PARD3: variants seen among roughly 807,000 people sequenced by gnomAD.
PARD3 encodes partitioning defective 3 homolog.
PARD3 carries 75 observed loss-of-function variants against 155.4 expected under a neutral mutation model. The observed-to-expected ratio is 0.48, with a 90% CI of 0.40 to 0.58. The LOEUF is 0.58. PARD3 is among the 20% of genes least tolerant of loss of function. The pLI is 0.00. For synonymous variants in PARD3, 576 were observed against 610.5 expected (o/e 0.94, Z 0.83); for missense variants, 1,642 against 1,721.7 (o/e 0.95, Z 0.82).
intron 7 of PARD3, among the ~76,000 whole-genome samples, chr10:34,386,574 G>T (rs929571973): frequency 6.6e-6 from 1 of 152,116 alleles, no homozygotes; most frequent in African/African-American, 2.4e-5. Context: ...TGTAATCCCA[G>T]CACTTTGGAA....
At chr10:34,535,499 C>A (rs1589918460) in intron 2 of PARD3, among the ~76,000 whole-genome samples, 1 of 152,064 alleles carries the variant, frequency 6.6e-6, no homozygotes, top group African/African-American at 2.4e-5. Flanking sequence ...GGTTTTGTTT[C>A]TTTTTTTGAG....
intron 3 of PARD3, among the ~76,000 whole-genome samples, chr10:34,510,221 T>C (rs2081323783): frequency 6.6e-6 from 1 of 152,170 alleles, no homozygotes. Context: ...CTCTTCTAGG[T>C]AGCCCACCTG....
chr10:34,393,025 A>G (rs1215939430), intron 7 of PARD3, among the ~76,000 whole-genome samples: 2 of 151,850 alleles, frequency 1.3e-5, no homozygotes, highest in Admixed American at 6.6e-5. Flanking sequence ...TTCATGCTAC[A>G]ATGGCAGATT....
At chr10:34,771,442 A>C (rs1030293909) in intron 1 of PARD3, among the ~76,000 whole-genome samples, 9 of 152,246 alleles carry the variant, frequency 5.9e-5, no homozygotes, top group Non-Finnish European at 1.3e-4. Context: ...AGAGTGAAGG[A>C]AGGCTGGCTA....
intron 2 of PARD3, among the ~76,000 whole-genome samples, chr10:34,592,234 A>G (rs756499777): frequency 3.3e-5 from 5 of 152,208 alleles, no homozygotes; most frequent in Admixed American, 6.5e-5. Context: ...TAACACTTGG[A>G]ACTTGCCTGT....
rs115620599 is a variant in PARD3 at position 34,715,716 on chromosome 10, T to C, written c.121-19297A>G. ...TCCCATAGGCCACAGTATGCATTCA[T>C]TCCACAAATATTCACGAAGCATCTA... On this transcript the variant is annotated intron_variant, in intron 1 of 24. Coordinates refer to ENST00000374788, the MANE Select transcript of PARD3 (RefSeq NM_001184785.2). Among the ~76,000 whole-genome samples, 605 of 152,348 alleles carry C rather than the reference T, an allele frequency of 4.0e-3. 4 individuals carry two copies. The highest frequency in any genetic ancestry group is 0.014 in the African/African-American group (570 of 41,586).
At chr10:34,176,023 GTAAT>G (rs1263719974) in intron 22 of PARD3, among the ~76,000 whole-genome samples, 1 of 152,030 alleles carries the variant, frequency 6.6e-6, no homozygotes, top group African/African-American at 2.4e-5. Context: ...AAATTAGTAG[GTAAT>G]TAGTTTAGCA....
chr10:34,588,685 T>C (rs527439961), intron 2 of PARD3, among the ~76,000 whole-genome samples: 2 of 152,306 alleles, frequency 1.3e-5, no homozygotes, highest in African/African-American at 4.8e-5. Context: ...TTTCTCTTGC[T>C]GCAATCCCGT....
At chr10:34,114,864 C>T (rs1347227314) in intron 24 of PARD3, among the ~76,000 whole-genome samples, 1 of 152,222 alleles carries the variant, frequency 6.6e-6, no homozygotes. Context: ...ATATCAATCT[C>T]CTTTCATTGA....
In PARD3 at chr10:34,111,385, C is replaced by T; in HGVS notation, c.3846G>A (p.Glu1282=). The change falls in exon 25 of 25, where the codon GAG becomes GAA. Residue 1282 remains glutamate, a synonymous_variant. Coordinates refer to ENST00000374788, the MANE Select transcript of PARD3 (RefSeq NM_001184785.2). ...TCCGCCTCTGTTCCTGGCGAAGGAG[C>T]TCCTGAGTTTCCAGCATGACCCTGG... ...FNARVMLETQ[E]LLRQEQRRKE... The T allele has an allele frequency of 1.9e-6, 3 of 1,614,192 alleles. No homozygotes were observed. Among genetic ancestry groups the T allele is most frequent in the South Asian group, 2.2e-5 (2 of 91,084 alleles).
At chr10:34,605,537 C>CTATATA (rs1226768521) in intron 2 of PARD3, among the ~76,000 whole-genome samples, 14,289 of 25,716 alleles carry the variant, frequency 0.56, 5,164 homozygotes, top group Middle Eastern at 0.71. Flanking sequence ...TATATATCTC[C>CTATATA]TATATATATA....
At chr10:34,762,491 T>G (rs1253364508) in intron 1 of PARD3, among the ~76,000 whole-genome samples, 1 of 109,122 alleles carries the variant, frequency 9.2e-6, no homozygotes, top group South Asian at 2.4e-4. Flanking sequence ...TTTTTTTTTG[T>G]AGAGATGGGG....
At chr10:34,594,250 T>A (rs1387297431) in intron 2 of PARD3, among the ~76,000 whole-genome samples, 1 of 152,218 alleles carries the variant, frequency 6.6e-6, no homozygotes, top group Non-Finnish European at 1.5e-5. Context: ...AGTATGTGTA[T>A]AATCAATTTG....
At chr10:34,802,341 T>C (rs1304090409) in intron 1 of PARD3, among the ~76,000 whole-genome samples, 2 of 151,738 alleles carry the variant, frequency 1.3e-5, no homozygotes, top group African/African-American at 4.8e-5. Context: ...CTTGATGTCA[T>C]AAACAAGAAT....
chr10:34,305,456 G>T (rs1957357702), intron 20 of PARD3, among the ~76,000 whole-genome samples: 1 of 152,224 alleles, frequency 6.6e-6, no homozygotes, highest in African/African-American at 2.4e-5. Context: ...AAGCTTGTAA[G>T]GAGTAAAACC....
rs527436202 is a variant in PARD3 at position 34,440,925 on chromosome 10, G to A, written c.714+9392C>T. On this transcript the variant is annotated intron_variant, in intron 5 of 24. Transcript: ENST00000374788. ...ATTTAATCTTATTAAAACTACACAC[G>A]CCCGCCAAAAACAAAAGAGAATATA... Among the ~76,000 whole-genome samples the A allele has an allele frequency of 8.9e-4, 134 of 151,106 alleles. No individual in the cohort carries two copies. The Middle Eastern group carries it at 0.024, about 27-fold the overall frequency.
chr10:34,737,112 G>A (rs1298145877), intron 1 of PARD3, among the ~76,000 whole-genome samples: 1 of 152,206 alleles, frequency 6.6e-6, no homozygotes, highest in Non-Finnish European at 1.5e-5. Flanking sequence ...ATGAGAAAGC[G>A]GGTGAAGGGG....
chr10:34,134,752 G>A (rs1564421086), intron 22 of PARD3, among the ~76,000 whole-genome samples: 1 of 152,218 alleles, frequency 6.6e-6, no homozygotes, highest in African/African-American at 2.4e-5. Flanking sequence ...TGGTTTTCAT[G>A]ATGGATGATG....
At chr10:34,157,161 G>C (rs1188281508) in intron 22 of PARD3, among the ~76,000 whole-genome samples, 1 of 152,192 alleles carries the variant, frequency 6.6e-6, no homozygotes, top group Non-Finnish European at 1.5e-5. Context: ...CACTTGCTAG[G>C]GAAGACAAGG....
Sources: gnomAD v4.1 joint callset for allele counts (sites outside exome capture counted in the v4.1 genomes callset) on GRCh38, gnomAD v4.1.1 for gene constraint, MANE v1.5 for transcripts, NCBI Gene and HGNC (gene_info 2026-07-23, HGNC 2026-07-21) for gene names.